Variants in SERPINB11 observed in about 807,000 individuals in gnomAD.
SERPINB11 encodes the protein serpin B11.
A neutral mutation model predicts 36.7 loss-of-function variants in SERPINB11; 32 were observed. The ratio of observed to expected loss-of-function variants is 0.87; its 90% confidence interval spans 0.66 to 1.17. SERPINB11 has a LOEUF of 1.17. Ranked by LOEUF, SERPINB11 falls within the 50% of genes most tolerant of loss-of-function variation. The probability of loss-of-function intolerance (pLI) is 0.00; values close to 1 mark genes in which losing one functional copy is unlikely to be tolerated. For synonymous variants in SERPINB11, 174 were observed against 168.1 expected, an observed-to-expected ratio of 1.04 and a Z score of -0.27; for missense variants, 528 against 458.4, an observed-to-expected ratio of 1.15 and a Z score of -1.39.
rs374608870 is a variant in SERPINB11, at chr18:63,723,241, G to C, written c.1021G>C (p.Glu341Gln). The change falls in exon 8 of 8, where the codon GAA becomes CAA. Residue 341 changes from glutamate to glutamine, a missense_variant. Physicochemically the swap from Glu to Gln is conservative, Grantham distance 29 (BLOSUM62 2). Transcript: ENST00000544088. ...AIHKSYLDVS[E>Q]EGTEAAAATG... ...CCACAAGTCATACCTGGATGTCAGC[G>C]AAGAGGGCACGGAGGCAGCAGCAGC... 58 of 1,613,810 alleles carry C rather than the reference G, an allele frequency of 3.6e-5. No individual in the cohort carries two copies. The Admixed American group carries it at 9.2e-4, about 26-fold the overall frequency.
rs1466612834 is a variant in SERPINB11 at position 63,711,315 on chromosome 18, C to G, written c.169-20C>G. ...TACATTGCTTCTGATGCCAAAAGAT[C>G]CCTTTTTTTTCTTTTCTAGGTGCTT... is the stretch of plus-strand genomic sequence containing the variant. On this transcript the variant is annotated intron_variant, in intron 2 of 7. Coordinates refer to ENST00000544088, the MANE Select transcript of SERPINB11 (RefSeq NM_001370475.1). 1 of 1,581,992 alleles carries G rather than the reference C, an allele frequency of 6.3e-7. No individual in the cohort carries two copies. Among genetic ancestry groups the G allele is most frequent in the Non-Finnish European group, 8.7e-7 (1 of 1,153,480 alleles).
chr18:63,709,255 C>T (rs1265911561), intron 1 of SERPINB11, among the ~76,000 whole-genome samples: 4 of 152,210 alleles, frequency 2.6e-5, no homozygotes, highest in African/African-American at 9.6e-5. Flanking sequence ...GCAGGTCCTA[C>T]TTGTTAGTAT....
chr18:63,714,841 T>C (rs1183093315), intron 4 of SERPINB11, among the ~76,000 whole-genome samples: 1 of 152,104 alleles, frequency 6.6e-6, no homozygotes, highest in East Asian at 1.9e-4. Flanking sequence ...CATCCTCAGC[T>C]TACGAAGATG....
intron 1 of SERPINB11, among the ~76,000 whole-genome samples, chr18:63,707,542 CT>C (rs1445370206): frequency 6.6e-6 from 1 of 152,176 alleles, no homozygotes; most frequent in African/African-American, 2.4e-5. Context: ...GCTATTCCTT[CT>C]GATAGGAGTG....
chr18:63,723,620 G>T lies in SERPINB11; in HGVS notation c.*221G>T, dbSNP rs1598971284. 2 of 458,740 alleles carry T rather than the reference G, an allele frequency of 4.4e-6. No homozygotes were observed. Among genetic ancestry groups the T allele is most frequent in the East Asian group, 3.3e-5 (1 of 30,140 alleles). 28.4% of individuals were successfully genotyped at this position (458,740 alleles called of 1,614,324 possible). ...TAGATTTATGCAGAAAGCCTTTCTG[G>T]CTTTCTTATCTGTGGTGTCTCATTT... is the stretch of plus-strand genomic sequence containing the variant. On this transcript the variant is annotated 3_prime_UTR_variant, in exon 8 of 8. Coordinates refer to ENST00000544088, the MANE Select transcript of SERPINB11 (RefSeq NM_001370475.1).
chr18:63,723,288 A>G lies in SERPINB11; in HGVS notation c.1068A>G (p.Val356=), dbSNP rs1234780020. 6.2e-7 allele frequency: 1 copy of G among 1,613,856 alleles called. No homozygotes were observed. Among genetic ancestry groups the G allele is most frequent in the Non-Finnish European group, 8.5e-7 (1 of 1,179,874 alleles). The change falls in exon 8 of 8, where the codon GTA becomes GTG. Residue 356 remains valine, a synonymous_variant. Coordinates refer to ENST00000544088, the MANE Select transcript of SERPINB11 (RefSeq NM_001370475.1). ...CAGCCACTGGGGACAGCATCGCTGT[A>G]AAAAGCCTACCAATGAGAGCTCAGT... The part of the protein sequence containing the change: ...AAAATGDSIA[V]KSLPMRAQFK...
At chr18:63,717,417 G>A (rs1914696793) in intron 5 of SERPINB11, among the ~76,000 whole-genome samples, 1 of 151,918 alleles carries the variant, frequency 6.6e-6, no homozygotes. Flanking sequence ...TAGTCATAAG[G>A]CATATATACA....
In SERPINB11 at chr18:63,710,332, A is replaced by G. The variant is rs1914487889; in HGVS notation, c.139A>G (p.Arg47Gly). 2 of 1,613,200 alleles carry G rather than the reference A, an allele frequency of 1.2e-6. No individual in the cohort carries two copies. The highest frequency in any genetic ancestry group is 2.7e-5 in the African/African-American group (2 of 74,904). The change falls in exon 2 of 8, where the codon AGG (arginine) becomes GGG (glycine). Residue 47 changes from arginine to glycine, a missense_variant. Coordinates refer to ENST00000544088, the MANE Select transcript of SERPINB11 (RefSeq NM_001370475.1). Reference protein sequence around the residue: ...YALSMVLLGARGETEEQLEKV... With the variant: ...YALSMVLLGAGGETEEQLEKV... ...TCTAAGCATGGTCCTCCTTGGTGCC[A>G]GGGGAGAGACTGAAGAGCAATTGGA...
chr18:63,716,111 C>G lies in SERPINB11; in HGVS notation c.434C>G (p.Thr145Arg), dbSNP rs374002477. ...TVDFEQSTEE[T>R]RKTINAWVEN... The stretch of plus-strand genomic sequence containing the variant: ...GATTTTGAACAGTCTACAGAAGAAA[C>G]GAGGAAAACGATTAATGCTTGGGTT... The change falls in exon 5 of 8, where the codon ACG (threonine) becomes AGG (arginine). Residue 145 changes from threonine to arginine, a missense_variant. Physicochemically the swap from Thr to Arg is moderately conservative, Grantham distance 71 (BLOSUM62 -1). Transcript: ENST00000544088. The G allele has an allele frequency of 3.5e-5, 56 of 1,610,876 alleles. No homozygotes were observed. The African/African-American group carries it at 6.5e-4, about 19-fold the overall frequency.
intron 1 of SERPINB11, 79 bp from the exon 2 acceptor site, chr18:63,710,100 T>C (rs1914476977): frequency 8.4e-7 from 1 of 1,196,886 alleles, no homozygotes; most frequent in Non-Finnish European, 1.1e-6. Flanking sequence ...CTTAAACTCA[T>C]GAAATACAAT....
chr18:63,712,542 T>C (rs2144538238), intron 3 of SERPINB11, 23 bp from the exon 4 acceptor site: 1 of 1,613,132 alleles, frequency 6.2e-7, no homozygotes. Flanking sequence ...TAATACATCA[T>C]TCTTTGTTTA....
chr18:63,720,820 C>T lies in SERPINB11; in HGVS notation c.619-11C>T. The T allele has an allele frequency of 6.5e-7, 1 of 1,541,712 alleles. No homozygotes were observed. The highest frequency in any genetic ancestry group is 8.8e-7 in the Non-Finnish European group (1 of 1,140,312). On this transcript the variant is annotated splice_polypyrimidine_tract_variant and intron_variant, in intron 6 of 7. Transcript: ENST00000544088. Reference sequence around the variant, plus strand: ...TATGTAAGTATACTATAATCTTTTTCTTCTTAACAGGGTAAAAATGTAACT... The same window carrying T: ...TATGTAAGTATACTATAATCTTTTTTTTCTTAACAGGGTAAAAATGTAACT...
intron 5 of SERPINB11, among the ~76,000 whole-genome samples, chr18:63,718,112 G>T (rs1914715245): frequency 6.6e-6 from 1 of 151,920 alleles, no homozygotes; most frequent in South Asian, 2.1e-4. Context: ...ATGACCATAT[G>T]TGTGTGAATC....
At chr18:63,721,888 G>C (rs765276421) in intron 7 of SERPINB11, among the ~76,000 whole-genome samples, 35 of 152,208 alleles carry the variant, frequency 2.3e-4, no homozygotes, top group Admixed American at 7.9e-4. Context: ...AGGGAATCAG[G>C]TCCCTAAGGG....
At chr18:63,708,318 G>T (rs959593294) in intron 1 of SERPINB11, among the ~76,000 whole-genome samples, 2 of 152,178 alleles carry the variant, frequency 1.3e-5, no homozygotes, top group African/African-American at 4.8e-5. Context: ...GTCTATCAAA[G>T]ATATTATGGA....
In SERPINB11 at chr18:63,723,708, A is replaced by G. The variant is rs1914889387; in HGVS notation, c.*309A>G. 1 of 249,138 alleles carries G rather than the reference A, an allele frequency of 4.0e-6. No individual in the cohort carries two copies. The allele number at this position is 249,138 out of a possible 1,614,324, so 15.4% of individuals were successfully genotyped here. ...AATTTTAAGGGATTAGATTTTCTTG[A>G]CTTGTATGTATCTGTGAGATCTTGA... On this transcript the variant is annotated 3_prime_UTR_variant, in exon 8 of 8. Transcript: ENST00000544088.
intron 4 of SERPINB11, among the ~76,000 whole-genome samples, chr18:63,714,514 T>G (rs967887449): frequency 1.3e-5 from 2 of 152,136 alleles, no homozygotes; most frequent in Non-Finnish European, 2.9e-5. Flanking sequence ...TATCTACAAC[T>G]GTATAAGACA....
In SERPINB11 at chr18:63,723,366, G is replaced by T. The variant is rs753970615; in HGVS notation, c.1146G>T (p.Thr382=). ...LFFIRHTHTN[T]ILFCGKLASP is the part of the protein sequence containing the mutation. ...TTATAAGGCACACTCATACCAACAC[G>T]ATCCTATTCTGTGGCAAGCTTGCCT... is the stretch of plus-strand genomic sequence containing the variant. Residue 382 remains threonine (T), a synonymous_variant, in exon 8 of 8, where the codon ACG becomes ACT. Transcript: ENST00000544088. 1.1e-5 allele frequency: 18 copies of T among 1,610,382 alleles called. No individual in the cohort carries two copies. In the African/African-American group the frequency reaches 1.9e-4, roughly 17 times the overall value.
intron 4 of SERPINB11, among the ~76,000 whole-genome samples, chr18:63,713,083 G>A (rs186283881): frequency 6.6e-6 from 1 of 152,202 alleles, no homozygotes; most frequent in East Asian, 1.9e-4. Context: ...CAGGAGTTCT[G>A]TTTCCATTTA....
Sources: allele counts gnomAD v4.1 joint callset (sites outside exome capture counted in the v4.1 genomes callset), GRCh38; gene constraint gnomAD v4.1.1; transcripts MANE v1.5; gene names NCBI Gene and HGNC (gene_info 2026-07-23, HGNC 2026-07-21).